Variants in DEFA4 observed in about 807,000 individuals in gnomAD.
DEFA4 encodes corticostatin.
DEFA4 carries 8 observed loss-of-function variants against 4.4 expected under a neutral mutation model. The observed-to-expected ratio is 1.82, with a 90% CI of 1.07 to 3.29. The LOEUF (loss-of-function observed/expected upper bound fraction) is 3.29. Among genes scored for constraint, DEFA4 ranks in the 30% most tolerant of loss-of-function variants. The probability of loss-of-function intolerance (pLI) is 0.00; values close to 1 mark genes in which losing one functional copy is unlikely to be tolerated. For synonymous variants in DEFA4, 77 were observed against 46.5 expected (o/e 1.66, Z -2.67); for missense variants, 216 against 127.0 (o/e 1.70, Z -3.37).
chr8:6,936,632 C>A, intron 2 of DEFA4, 96 bp downstream of exon 2: 1 of 1,311,576 alleles, frequency 7.6e-7, no homozygotes, highest in African/African-American at 1.5e-5. Context: ...TAAGTAAAGC[C>A]ACCTAAGTGA....
chr8:6,936,211 A>G, intron 2 of DEFA4, 70 bp from the exon 3 acceptor site: 4 of 1,594,618 alleles, frequency 2.5e-6, no homozygotes, highest in Non-Finnish European at 2.6e-6. Context: ...GGAATCTTGG[A>G]GAAGTCACAT....
intron 1 of DEFA4, among the ~76,000 whole-genome samples, chr8:6,937,815 G>C (rs1020595759): frequency 1.3e-5 from 2 of 152,120 alleles, no homozygotes; most frequent in African/African-American, 2.4e-5. Flanking sequence ...CGGCAACCCA[G>C]AAAATGAGAG....
chr8:6,938,017 T>C (rs1808935050), intron 1 of DEFA4, among the ~76,000 whole-genome samples: 1 of 152,006 alleles, frequency 6.6e-6, no homozygotes, highest in African/African-American at 2.4e-5. Flanking sequence ...GTAGGACACG[T>C]GTGTTTGGAA....
Position 6,936,770 on chromosome 8 carries a change from T to C in DEFA4, c.130A>G (p.Ile44Val). The C allele has an allele frequency of 6.2e-7, 1 of 1,612,510 alleles. No individual in the cohort carries two copies. The highest frequency in any genetic ancestry group is 8.5e-7 in the Non-Finnish European group (1 of 1,179,244). Residue 44 changes from isoleucine to valine, a missense_variant, in exon 2 of 3, where the codon ATT becomes GTT. Coordinates refer to ENST00000297435, the MANE Select transcript of DEFA4 (RefSeq NM_001925.3). ...GAGCTTTTATCCCATGCAAAGGAAA[T>C]AGATATGTCCTGGTCTTCTGGCCCA... ...QRGPEDQDISISFAWDKSSAL... is the reference protein window; with the variant it reads ...QRGPEDQDISVSFAWDKSSAL...
In DEFA4 at chr8:6,935,823, C is replaced by G; in HGVS notation, c.*197G>C. ...TTTAAAGAGGTGTAAACAAAGACATCTTGTTACGAGATATATATTTAGGAT... is the reference window on the plus strand; with the variant it reads ...TTTAAAGAGGTGTAAACAAAGACATGTTGTTACGAGATATATATTTAGGAT... On this transcript the variant is annotated 3_prime_UTR_variant, in exon 3 of 3. Coordinates refer to ENST00000297435, the MANE Select transcript of DEFA4 (RefSeq NM_001925.3). The G allele has an allele frequency of 1.3e-5, 9 of 667,338 alleles. No homozygotes were observed. Among genetic ancestry groups the G allele is most frequent in the Non-Finnish European group, 2.3e-5 (9 of 399,896 alleles). 41.3% of individuals were successfully genotyped at this position (667,338 alleles called of 1,614,324 possible).
chr8:6,936,769 A>G lies in DEFA4; in HGVS notation c.131T>C (p.Ile44Thr). 1 of 1,612,698 alleles carries G rather than the reference A, an allele frequency of 6.2e-7. No individual in the cohort carries two copies. Among genetic ancestry groups the G allele is most frequent in the Non-Finnish European group, 8.5e-7 (1 of 1,179,318 alleles). ...QRGPEDQDIS[I>T]SFAWDKSSAL... ...AGAGCTTTTATCCCATGCAAAGGAA[A>G]TAGATATGTCCTGGTCTTCTGGCCC... is the stretch of plus-strand genomic sequence containing the variant. Residue 44 changes from isoleucine to threonine, a missense_variant, in exon 2 of 3, where the codon ATT becomes ACT. Coordinates refer to ENST00000297435, the MANE Select transcript of DEFA4 (RefSeq NM_001925.3).
Position 6,935,946 on chromosome 8 carries a change from G to A in DEFA4, c.*74C>T, listed in dbSNP as rs1189966413. Reference sequence around the variant, plus strand: ...CATTTTTCTCTATTCTGCAAGCTCAGCTGCAGAAGCATGTGAAGCTAACAC... The same window carrying A: ...CATTTTTCTCTATTCTGCAAGCTCAACTGCAGAAGCATGTGAAGCTAACAC... On this transcript the variant is annotated 3_prime_UTR_variant, in exon 3 of 3. Transcript: ENST00000297435. 2.5e-6 allele frequency: 4 copies of A among 1,600,432 alleles called. No homozygotes were observed. Among genetic ancestry groups the A allele is most frequent in the Admixed American group, 3.3e-5 (2 of 59,928 alleles).
chr8:6,937,369 T>G (rs1280664739), intron 1 of DEFA4, among the ~76,000 whole-genome samples: 1 of 152,056 alleles, frequency 6.6e-6, no homozygotes, highest in African/African-American at 2.4e-5. Context: ...AGAGAGTAAC[T>G]CATTGCAGGC....
chr8:6,936,165 G>C (rs771358026), intron 2 of DEFA4, 24 bp from the exon 3 acceptor site: 1 of 1,612,424 alleles, frequency 6.2e-7, no homozygotes, highest in Non-Finnish European at 8.5e-7. Context: ...GGAAGCATGA[G>C]AAATTAAGCA....
intron 1 of DEFA4, among the ~76,000 whole-genome samples, chr8:6,937,310 A>G (rs1050099829): frequency 1.3e-5 from 2 of 152,138 alleles, no homozygotes; most frequent in Non-Finnish European, 2.9e-5. Context: ...GGGCCCTACT[A>G]TTCTCTTCAG....
chr8:6,937,045 G>A (rs1020725344), intron 1 of DEFA4, 134 bp from the exon 2 acceptor site: 16 of 699,204 alleles, frequency 2.3e-5, no homozygotes, highest in East Asian at 3.1e-5. Context: ...TTTTGTTAGA[G>A]AGGATGCCGA....
Position 6,936,754 on chromosome 8 carries a change from T to C in DEFA4, c.146A>G (p.Asp49Gly). ...DQDISISFAW[D>G]KSSALQVSGS... ...TGAAACCTGAAGAGCAGAGCTTTTA[T>C]CCCATGCAAAGGAAATAGATATGTC... The change falls in exon 2 of 3, where the codon GAT becomes GGT. Residue 49 changes from aspartate (D) to glycine (G), a missense_variant. Transcript: ENST00000297435. 1 of 1,610,892 alleles carries C rather than the reference T, an allele frequency of 6.2e-7. No homozygotes were observed. Among genetic ancestry groups the C allele is most frequent in the Non-Finnish European group, 8.5e-7 (1 of 1,178,328 alleles).
intron 1 of DEFA4, 93 bp from the exon 2 acceptor site, chr8:6,937,004 C>G (rs1443335494): frequency 2.4e-5 from 28 of 1,174,680 alleles, no homozygotes; most frequent in Non-Finnish European, 3.1e-5. Flanking sequence ...GATAAGAAAC[C>G]TTTGGCCTTC....
chr8:6,936,792 C>A lies in DEFA4; in HGVS notation c.108G>T (p.Gly36=). Residue 36 remains glycine (G), a synonymous_variant, in exon 2 of 3, where the codon GGG becomes GGT. Coordinates refer to ENST00000297435, the MANE Select transcript of DEFA4 (RefSeq NM_001925.3). Reference sequence around the variant, plus strand: ...AAATAGATATGTCCTGGTCTTCTGGCCCACGCTGCTCCTGGCCTGGAGCCT... The same window carrying A: ...AAATAGATATGTCCTGGTCTTCTGGACCACGCTGCTCCTGGCCTGGAGCCT... ...GDEAPGQEQR[G]PEDQDISISF... is the part of the protein sequence containing the mutation. 1 of 1,613,616 alleles carries A rather than the reference C, an allele frequency of 6.2e-7. No homozygotes were observed. Among genetic ancestry groups the A allele is most frequent in the South Asian group, 1.1e-5 (1 of 90,834 alleles).
intron 1 of DEFA4, among the ~76,000 whole-genome samples, 196 bp from the exon 2 acceptor site, chr8:6,937,107 T>C (rs1808891445): frequency 6.6e-6 from 1 of 152,152 alleles, no homozygotes. Context: ...CCCAGCTTTC[T>C]TCACAGGAAG....
intron 2 of DEFA4, 119 bp downstream of exon 2, chr8:6,936,609 G>C: frequency 1.0e-6 from 1 of 1,003,866 alleles, no homozygotes; most frequent in Non-Finnish European, 1.4e-6. Context: ...AGAAAATCGA[G>C]GCCCAGAGAT....
At position 6,936,766 on chromosome 8, in the gene DEFA4, G is replaced by A. The variant is rs868785648; in HGVS notation, c.134C>T (p.Ser45Phe). 1 of 1,612,536 alleles carries A rather than the reference G, an allele frequency of 6.2e-7. No individual in the cohort carries two copies. Residue 45 changes from serine to phenylalanine, a missense_variant, in exon 2 of 3, where the codon TCC (serine) becomes TTC (phenylalanine). Transcript: ENST00000297435. ...AGCAGAGCTTTTATCCCATGCAAAG[G>A]AAATAGATATGTCCTGGTCTTCTGG... ...RGPEDQDISI[S>F]FAWDKSSALQ... is the part of the protein sequence containing the mutation.
In DEFA4 at chr8:6,936,906, G is replaced by A. The variant is rs755303142; in HGVS notation, c.-7C>T. 5 of 1,589,312 alleles carry A rather than the reference G, an allele frequency of 3.1e-6. No homozygotes were observed. The highest frequency in any genetic ancestry group is 4.5e-5 in the East Asian group (2 of 44,178). ...GGAGGGCGATAATCCTCATGGCTGG[G>A]GTGACCTGGAGGAGGGAGAGCAGGA... On this transcript the variant is annotated 5_prime_UTR_variant, in exon 2 of 3. Coordinates refer to ENST00000297435, the MANE Select transcript of DEFA4 (RefSeq NM_001925.3).
intron 1 of DEFA4, among the ~76,000 whole-genome samples, chr8:6,937,743 A>G (rs1808919366): frequency 6.6e-6 from 1 of 152,202 alleles, no homozygotes; most frequent in Admixed American, 6.5e-5. Flanking sequence ...AAAATAGACA[A>G]GCGGGGCTGC....
Sources: gnomAD v4.1 joint callset for allele counts (sites outside exome capture counted in the v4.1 genomes callset) on GRCh38, gnomAD v4.1.1 for gene constraint, MANE v1.5 for transcripts, NCBI Gene and HGNC (gene_info 2026-07-23, HGNC 2026-07-21) for gene names.